GALNTL6: variants seen among roughly 807,000 people sequenced by gnomAD.
GALNTL6 encodes polypeptide N-acetylgalactosaminyltransferase-like 6.
Under a neutral mutation model 73.7 loss-of-function variants are expected in GALNTL6, and 46 were observed. The ratio of observed to expected loss-of-function variants is 0.62; its 90% CI spans 0.49 to 0.80. The LOEUF (loss-of-function observed/expected upper bound fraction) is 0.80. GALNTL6 is among the 30% of genes least tolerant of loss of function. GALNTL6 has a pLI of 0.00. For synonymous variants in GALNTL6, 259 were observed against 263.7 expected (o/e 0.98, Z 0.17); for missense variants, 604 against 755.0 (o/e 0.80, Z 2.34).
In GALNTL6 at chr4:172,269,641, C is replaced by G. The variant is rs1738568574; in HGVS notation, c.247+39877C>G. On this transcript the variant is annotated intron_variant, in intron 3 of 12. Coordinates refer to ENST00000506823, the MANE Select transcript of GALNTL6 (RefSeq NM_001034845.3). ...GACTCTTTTCCATTATAGAGGAAGTCAATCTTTGGAATACATAAGTTTGTT... is the reference window on the plus strand; with the variant it reads ...GACTCTTTTCCATTATAGAGGAAGTGAATCTTTGGAATACATAAGTTTGTT... 3.3e-5 allele frequency among the ~76,000 whole-genome samples: 5 copies of G among 152,074 alleles called. No individual in the cohort carries two copies. The South Asian group carries it at 1.0e-3, about 32-fold the overall frequency.
At position 172,791,575 on chromosome 4, in the gene GALNTL6, T is replaced by G. The variant is rs551871952; in HGVS notation, c.554-17786T>G. Among the ~76,000 whole-genome samples, 74 of 152,202 alleles carry G rather than the reference T, an allele frequency of 4.9e-4. 1 individual carries two copies. The highest frequency in any genetic ancestry group is 1.8e-3 in the African/African-American group (73 of 41,538). On this transcript the variant is annotated intron_variant, in intron 5 of 12. Transcript: ENST00000506823. ...TGAGTGGTTTCCTTAGAAAATGCTC[T>G]AAGAGGGGTTGTGAGTTATGTCCTC...
intron 2 of GALNTL6, among the ~76,000 whole-genome samples, chr4:172,168,259 T>C (rs2110812244): frequency 6.6e-6 from 1 of 152,212 alleles, no homozygotes; most frequent in Admixed American, 6.5e-5. Context: ...ATGGTCTTGC[T>C]AAAGTTTTTT....
chr4:172,550,276 G>A (rs910097752), intron 5 of GALNTL6, among the ~76,000 whole-genome samples: 16 of 152,120 alleles, frequency 1.1e-4, no homozygotes, highest in African/African-American at 3.9e-4. Context: ...TACTCCCATT[G>A]ATAGTGTGAG....
intron 7 of GALNTL6, among the ~76,000 whole-genome samples, chr4:172,853,292 A>G (rs1743938025): frequency 6.6e-6 from 1 of 152,192 alleles, no homozygotes; most frequent in South Asian, 2.1e-4. Context: ...CTTCCTTGCC[A>G]TGAGGGGTGC....
chr4:172,809,543 C>G lies in GALNTL6; in HGVS notation c.736C>G (p.Leu246Val), dbSNP rs746865494. 6.2e-7 allele frequency: 1 copy of G among 1,611,092 alleles called. No individual in the cohort carries two copies. The highest frequency in any genetic ancestry group is 1.1e-5 in the South Asian group (1 of 90,484). The change falls in exon 6 of 13, where the codon CTC (leucine) becomes GTC (valine). Residue 246 changes from leucine to valine, a missense_variant. Physicochemically the swap from Leu to Val is conservative, Grantham distance 32 (BLOSUM62 1). Coordinates refer to ENST00000506823, the MANE Select transcript of GALNTL6 (RefSeq NM_001034845.3). The surrounding 1 kb of genome is among the most constrained non-coding windows in gnomAD (Gnocchi z 4.4). ...CAATGTGAACTGGCTGCCCCCACTCCTCAGTGAGTACAGGTTGCTAAGCAC... is the reference window on the plus strand; with the variant it reads ...CAATGTGAACTGGCTGCCCCCACTCGTCAGTGAGTACAGGTTGCTAAGCAC... ...EVNVNWLPPL[L>V]NQIALNHKTI...
intron 5 of GALNTL6, among the ~76,000 whole-genome samples, chr4:172,775,649 A>G (rs2110879697): frequency 6.6e-6 from 1 of 152,276 alleles, no homozygotes; most frequent in South Asian, 2.1e-4. Context: ...ATGACTCCCC[A>G]ATAATGCTGA....
At chr4:172,221,105 A>G (rs1294269157) in intron 2 of GALNTL6, among the ~76,000 whole-genome samples, 1 of 151,820 alleles carries the variant, frequency 6.6e-6, no homozygotes, top group Non-Finnish European at 1.5e-5. Flanking sequence ...TGGGTAACAT[A>G]CAAGTTGGAG....
chr4:172,023,591 T>C (rs1274964457), intron 2 of GALNTL6, among the ~76,000 whole-genome samples: 3 of 151,832 alleles, frequency 2.0e-5, no homozygotes, highest in African/African-American at 2.4e-5. Flanking sequence ...ATTCAATACA[T>C]TTCTTTTCTT....
chr4:172,410,558 C>G (rs896260999), intron 5 of GALNTL6, among the ~76,000 whole-genome samples: 2 of 152,084 alleles, frequency 1.3e-5, no homozygotes, highest in African/African-American at 4.8e-5. Flanking sequence ...AGCTAACTGC[C>G]TTAATGTCTG....
At chr4:171,979,158 T>A (rs17057803) in intron 2 of GALNTL6, among the ~76,000 whole-genome samples, 4 of 152,128 alleles carry the variant, frequency 2.6e-5, no homozygotes, top group African/African-American at 7.2e-5. Context: ...TGGCATAATC[T>A]TTGAATTGAC....
Position 171,958,237 on chromosome 4 carries a change from T to A in GALNTL6, c.138+143519T>A, listed in dbSNP as rs182222241. Among the ~76,000 whole-genome samples, 7 of 152,316 alleles carry A rather than the reference T, an allele frequency of 4.6e-5. No homozygotes were observed. The East Asian group carries it at 1.4e-3, about 29-fold the overall frequency. On this transcript the variant is annotated intron_variant, in intron 2 of 12. Transcript: ENST00000506823. ...TTTGAAAATATAATCTTTTGTGTGA[T>A]ATCCACAGATATTGAAGGCTGATTG... is the stretch of plus-strand genomic sequence containing the variant.
intron 5 of GALNTL6, among the ~76,000 whole-genome samples, chr4:172,418,119 A>G (rs1050479313): frequency 6.6e-6 from 1 of 152,208 alleles, no homozygotes; most frequent in Admixed American, 6.6e-5. Flanking sequence ...AAGACACCAT[A>G]GCAAAGTTTT....
intron 2 of GALNTL6, among the ~76,000 whole-genome samples, chr4:172,131,991 A>G (rs1459580673): frequency 6.6e-6 from 1 of 152,104 alleles, no homozygotes; most frequent in African/African-American, 2.4e-5. Context: ...TATTCTTCAG[A>G]GTATTTATTG....
chr4:172,537,332 G>A (rs1025754631), intron 5 of GALNTL6, among the ~76,000 whole-genome samples: 1 of 152,160 alleles, frequency 6.6e-6, no homozygotes. Flanking sequence ...GGAACTGGTG[G>A]GAGGTTATTG....
Position 172,616,056 on chromosome 4 carries a change from C to T in GALNTL6, c.554-193305C>T, listed in dbSNP as rs114730648. On this transcript the variant is annotated intron_variant, in intron 5 of 12. Coordinates refer to ENST00000506823, the MANE Select transcript of GALNTL6 (RefSeq NM_001034845.3). ...AGTTTTTGGCTGAATATGGGTCAAA[C>T]TTTAAATGTGAAAAGAGCTCTCTGC... Among the ~76,000 whole-genome samples the T allele has an allele frequency of 8.4e-3, 1,285 of 152,248 alleles. 18 individuals are homozygous for T. Among genetic ancestry groups the T allele is most frequent in the African/African-American group, 0.029 (1,201 of 41,548 alleles).
rs191108275 is a variant in GALNTL6, at chr4:172,791,810, T to C, written c.554-17551T>C. ...TTTAGGAAAAGAAAAAAAAAGTTAA[T>C]TTCTGATTGAGAAACTAAAAATTAT... On this transcript the variant is annotated intron_variant, in intron 5 of 12. Coordinates refer to ENST00000506823, the MANE Select transcript of GALNTL6 (RefSeq NM_001034845.3). Among the ~76,000 whole-genome samples, 14 of 152,344 alleles carry C rather than the reference T, an allele frequency of 9.2e-5. No homozygotes were observed. In the East Asian group the frequency reaches 2.7e-3, roughly 29 times the overall value.
At chr4:172,429,893 G>C (rs1018666651) in intron 5 of GALNTL6, among the ~76,000 whole-genome samples, 5 of 151,994 alleles carry the variant, frequency 3.3e-5, no homozygotes, top group African/African-American at 1.2e-4. Flanking sequence ...ACTGCAAATG[G>C]GTTAGATGGG....
chr4:172,742,541 C>T (rs1315696605), intron 5 of GALNTL6, among the ~76,000 whole-genome samples: 1 of 151,692 alleles, frequency 6.6e-6, no homozygotes, highest in Non-Finnish European at 1.5e-5. Flanking sequence ...GATCTGAAAA[C>T]TAACAGAGCA....
intron 10 of GALNTL6, among the ~76,000 whole-genome samples, chr4:172,963,121 C>T (rs1750160873): frequency 6.6e-6 from 1 of 152,108 alleles, no homozygotes; most frequent in South Asian, 2.1e-4. Flanking sequence ...TCTCAGGGCC[C>T]ACTGTCCTCG....
Sources: gnomAD v4.1 joint callset for allele counts (sites outside exome capture counted in the v4.1 genomes callset) on GRCh38, gnomAD v4.1.1 for gene constraint, Gnocchi (gnomAD v3.1) non-coding constraint, MANE v1.5 for transcripts, NCBI Gene and HGNC (gene_info 2026-07-23, HGNC 2026-07-21) for gene names.